REV3L: variants seen among roughly 807,000 people sequenced by gnomAD.
REV3L encodes the protein DNA polymerase zeta catalytic subunit.
REV3L carries 69 observed loss-of-function variants against 299.4 expected under a neutral mutation model. The ratio of observed to expected loss-of-function variants is 0.23; its 90% CI spans 0.19 to 0.28. REV3L has a LOEUF of 0.28. REV3L is among the 10% of genes least tolerant of loss of function. The pLI, the probability that REV3L is intolerant of heterozygous loss-of-function variation, is 1.00. For missense variants in REV3L, 3,128 were observed against 3,693.8 expected, an observed-to-expected ratio of 0.85 and a Z score of 3.97; for synonymous variants, 1,238 against 1,271.4, an observed-to-expected ratio of 0.97 and a Z score of 0.56.
At chr6:111,339,954 A>G (rs1420587960) in intron 21 of REV3L, among the ~76,000 whole-genome samples, 1 of 152,176 alleles carries the variant, frequency 6.6e-6, no homozygotes, top group Non-Finnish European at 1.5e-5. Context: ...GGTAATAAAT[A>G]CAAGTTTTGA....
intron 1 of REV3L, among the ~76,000 whole-genome samples, chr6:111,466,900 A>G (rs1402853195): frequency 6.6e-6 from 1 of 152,238 alleles, no homozygotes; most frequent in Admixed American, 6.5e-5. Context: ...GGATTAACCA[A>G]GAAAATAACA....
intron 15 of REV3L, among the ~76,000 whole-genome samples, 163 bp downstream of exon 15, chr6:111,365,102 A>G (rs532365995): frequency 6.6e-6 from 1 of 151,982 alleles, no homozygotes; most frequent in African/African-American, 2.4e-5. Context: ...AAAAAAAACT[A>G]AAAAAAGGCA....
intron 25 of REV3L, among the ~76,000 whole-genome samples, chr6:111,324,669 T>G (rs180997077): frequency 4.0e-4 from 61 of 152,218 alleles, no homozygotes; most frequent in African/African-American, 1.3e-3. Flanking sequence ...GACCACATAA[T>G]AAGAAGAATT....
chr6:111,417,057 C>T (rs1463782998), intron 1 of REV3L, among the ~76,000 whole-genome samples: 1 of 151,252 alleles, frequency 6.6e-6, no homozygotes, highest in African/African-American at 2.4e-5. Context: ...CTCTACAGAT[C>T]AATTATCTAT....
In REV3L at chr6:111,374,732, G is replaced by C. The variant is rs373174354; in HGVS notation, c.3623C>G (p.Pro1208Arg). Residue 1208 changes from proline to arginine, a missense_variant, in exon 13 of 32, where the codon CCA (proline) becomes CGA (arginine). Physicochemically the swap from Pro to Arg is moderately radical, Grantham distance 103. Around this residue, in one of 9 missense-constraint regions of REV3L, gnomAD observed 2,409 missense variants for 2,611.8 expected, o/e 0.92. Coordinates refer to ENST00000368802, the MANE Select transcript of REV3L (RefSeq NM_001372078.1). Reference sequence around the variant, plus strand: ...CTCATTTGTTTTTTGTTTTGCTCTTGGTTTCTTTTTTCCATCATCTACTAG... The same window carrying C: ...CTCATTTGTTTTTTGTTTTGCTCTTCGTTTCTTTTTTCCATCATCTACTAG... ...NKLVDDGKKK[P>R]RAKQKTNEKG... 25 of 1,612,370 alleles carry C rather than the reference G, an allele frequency of 1.6e-5. No individual in the cohort carries two copies. The highest frequency in any genetic ancestry group is 1.6e-4 in the Middle Eastern group (1 of 6,078).
chr6:111,349,687 T>C (rs991799829), intron 19 of REV3L, among the ~76,000 whole-genome samples: 17 of 152,218 alleles, frequency 1.1e-4, no homozygotes, highest in African/African-American at 3.6e-4. Flanking sequence ...CTGCCTCAGC[T>C]GCTCGAATAG....
intron 1 of REV3L, among the ~76,000 whole-genome samples, chr6:111,446,712 A>AC (rs1479648006): frequency 1.3e-5 from 2 of 150,516 alleles, no homozygotes; most frequent in Non-Finnish European, 3.0e-5. Flanking sequence ...AAACAAACAA[A>AC]CAAACAAACA....
At chr6:111,464,723 C>T (rs777886115) in intron 1 of REV3L, among the ~76,000 whole-genome samples, 17 of 152,056 alleles carry the variant, frequency 1.1e-4, no homozygotes, top group African/African-American at 2.9e-4. Context: ...AAAACAGGGC[C>T]GGGCATGGTT....
chr6:111,429,688 G>T (rs1285211860), intron 1 of REV3L, among the ~76,000 whole-genome samples: 1 of 152,172 alleles, frequency 6.6e-6, no homozygotes, highest in Non-Finnish European at 1.5e-5. Flanking sequence ...ATAGGAAAGA[G>T]GGTTTTTTAG....
In REV3L at chr6:111,333,237, C is replaced by A. The variant is rs574647735; in HGVS notation, c.7811G>T (p.Arg2604Leu). The A allele has an allele frequency of 3.1e-6, 5 of 1,614,012 alleles. No individual in the cohort carries two copies. The highest frequency in any genetic ancestry group is 1.3e-5 in the African/African-American group (1 of 74,984). ...AACGAGAACAGAGTTGCTATAGAAGCGGGATTCAGGCTCCATAATTAGAGG... is the reference window on the plus strand; with the variant it reads ...AACGAGAACAGAGTTGCTATAGAAGAGGGATTCAGGCTCCATAATTAGAGG... ...CVPLIMEPES[R>L]FYSNSVLVLD... The change falls in exon 23 of 32, where the codon CGC becomes CTC. Residue 2604 changes from arginine (R) to leucine (L), a missense_variant. Transcript: ENST00000368802.
chr6:111,451,005 GAGAC>G (rs1789470767), intron 1 of REV3L, among the ~76,000 whole-genome samples: 1 of 152,222 alleles, frequency 6.6e-6, no homozygotes, highest in African/African-American at 2.4e-5. Context: ...AGGCAGAAAG[GAGAC>G]AGAATCATAA....
At chr6:111,452,608 T>C (rs1583045753) in intron 1 of REV3L, among the ~76,000 whole-genome samples, 1 of 152,172 alleles carries the variant, frequency 6.6e-6, no homozygotes, top group African/African-American at 2.4e-5. Context: ...ATTACAGTGA[T>C]ATAGCAGATA....
chr6:111,413,737 G>C (rs1784490529), intron 2 of REV3L, among the ~76,000 whole-genome samples: 1 of 152,008 alleles, frequency 6.6e-6, no homozygotes, highest in African/African-American at 2.4e-5. Context: ...TGAAAAATTA[G>C]AGTGAGCAGC....
chr6:111,434,183 C>T (rs1312351556), intron 1 of REV3L, among the ~76,000 whole-genome samples: 1 of 152,134 alleles, frequency 6.6e-6, no homozygotes, highest in African/African-American at 2.4e-5. Flanking sequence ...ACTGGAAGTC[C>T]TGTCCAGAGC....
At chr6:111,386,731 T>C (rs2128250519) in intron 9 of REV3L, among the ~76,000 whole-genome samples, 1 of 148,788 alleles carries the variant, frequency 6.7e-6, no homozygotes, top group South Asian at 2.2e-4. Context: ...TTTTTTTTTT[T>C]TTTTTTTTGA....
At chr6:111,423,259 T>C (rs1785780399) in intron 1 of REV3L, among the ~76,000 whole-genome samples, 1 of 144,412 alleles carries the variant, frequency 6.9e-6, no homozygotes, top group South Asian at 2.2e-4. Context: ...CACAAAATCC[T>C]ATGGCTATAT....
intron 1 of REV3L, chr6:111,430,148 C>T (rs1243049211): frequency 2.5e-6 from 2 of 787,500 alleles, no homozygotes; most frequent in South Asian, 1.3e-5. Context: ...TCCAGTGTCA[C>T]GCCCCTGTGG....
chr6:111,359,419 T>A (rs1778414490), intron 16 of REV3L, among the ~76,000 whole-genome samples: 1 of 150,792 alleles, frequency 6.6e-6, no homozygotes, highest in Admixed American at 6.7e-5. Context: ...AGAGCTTTTT[T>A]AAAATTCAAA....
chr6:111,312,392 G>A (rs1242560898), intron 28 of REV3L: 1 of 151,904 alleles, frequency 6.6e-6, no homozygotes, highest in Admixed American at 6.6e-5. Flanking sequence ...ATTTATTTTT[G>A]TTTTGCTATA....
Sources: allele counts gnomAD v4.1 joint callset (sites outside exome capture counted in the v4.1 genomes callset), GRCh38; gene constraint gnomAD v4.1.1; regional missense constraint gnomAD v4.1.1; transcripts MANE v1.5; gene names NCBI Gene and HGNC (gene_info 2026-07-23, HGNC 2026-07-21).